The following PRKG1 variants were observed in gnomAD, a reference collection of about 807,000 sequenced individuals.
PRKG1 encodes cGMP-dependent protein kinase 1.
A neutral mutation model predicts 88.1 loss-of-function variants in PRKG1; 35 were observed. The observed-to-expected ratio is 0.40, with a 90% CI of 0.30 to 0.53. The LOEUF is 0.53. Ranked by LOEUF, PRKG1 falls within the 20% of genes least tolerant of loss-of-function variation. PRKG1 has a pLI of 0.59. For missense variants in PRKG1, 540 were observed against 839.8 expected, an observed-to-expected ratio of 0.64 and a Z score of 4.41; for synonymous variants, 303 against 292.5, an observed-to-expected ratio of 1.04 and a Z score of -0.37.
At chr10:51,564,271 A>C (rs1288842109) in intron 3 of PRKG1, among the ~76,000 whole-genome samples, 1 of 152,140 alleles carries the variant, frequency 6.6e-6, no homozygotes, top group African/African-American at 2.4e-5. Flanking sequence ...CTAATGGGAA[A>C]AAGCTAGACA....
At chr10:51,843,191 G>T (rs1187897190) in intron 4 of PRKG1, among the ~76,000 whole-genome samples, 2 of 148,550 alleles carry the variant, frequency 1.3e-5, no homozygotes, top group African/African-American at 5.0e-5. Context: ...CCACCTCCTG[G>T]GTTCAAGTGA....
intron 2 of PRKG1, among the ~76,000 whole-genome samples, chr10:51,382,867 A>G (rs2132632216): frequency 6.6e-6 from 1 of 152,166 alleles, no homozygotes; most frequent in South Asian, 2.1e-4. Flanking sequence ...GCCATGATTC[A>G]TTGTTCTTAT....
chr10:51,812,832 C>T (rs1319447133), intron 4 of PRKG1, among the ~76,000 whole-genome samples: 1 of 152,102 alleles, frequency 6.6e-6, no homozygotes, highest in Non-Finnish European at 1.5e-5. Flanking sequence ...CAATTTGCTT[C>T]AAATGACAAA....
chr10:52,277,123 T>C (rs1171355523), intron 12 of PRKG1, among the ~76,000 whole-genome samples: 2 of 152,146 alleles, frequency 1.3e-5, no homozygotes, highest in Non-Finnish European at 1.5e-5. Context: ...TGTCAAGAAC[T>C]GAGGACCCTA....
chr10:51,699,916 C>T (rs1407438162), intron 3 of PRKG1, among the ~76,000 whole-genome samples: 3 of 152,226 alleles, frequency 2.0e-5, no homozygotes, highest in Admixed American at 6.5e-5. Context: ...GGGACTCTTC[C>T]CTTGACGTCA....
intron 9 of PRKG1, chr10:52,185,209 A>G (rs1341497973): frequency 6.6e-6 from 1 of 152,268 alleles, no homozygotes; most frequent in African/African-American, 2.4e-5. Flanking sequence ...CAATGGTGGT[A>G]TAAGCATTGG....
chr10:51,664,527 T>G lies in PRKG1; in HGVS notation c.593-140058T>G, dbSNP rs542765853. ...CACTCTCATTTTGCATCTAGTCTAT[T>G]GTCAAACACTGGGCTTAAAGCATTT... is the stretch of plus-strand genomic sequence containing the variant. On this transcript the variant is annotated intron_variant, in intron 3 of 17. Transcript: ENST00000373980. Among the ~76,000 whole-genome samples, 8 of 152,264 alleles carry G rather than the reference T, an allele frequency of 5.3e-5. No homozygotes were observed. In the South Asian group the frequency reaches 6.2e-4, roughly 12 times the overall value.
rs760085268 is a variant in PRKG1 at position 51,287,485 on chromosome 10, G to A, written c.478+134155G>A. On this transcript the variant is annotated intron_variant, in intron 2 of 17. Transcript: ENST00000373980. The stretch of plus-strand genomic sequence containing the variant: ...TCATGTCCTGGGGACAGAGCTACGG[G>A]CAGTTCAGATGAAGGTCCTGTTCAC... Among the ~76,000 whole-genome samples, 6 of 152,308 alleles carry A rather than the reference G, an allele frequency of 3.9e-5. No homozygotes were observed. In the Middle Eastern group the frequency reaches 0.014, roughly 345 times the overall value.
At chr10:51,027,645 T>C (rs1237715031) in intron 1 of PRKG1, among the ~76,000 whole-genome samples, 3 of 152,198 alleles carry the variant, frequency 2.0e-5, no homozygotes, top group Non-Finnish European at 2.9e-5. Context: ...TTAAGGTAAA[T>C]AGAGCTTTAA....
At chr10:51,897,289 C>A (rs1188618557) in intron 4 of PRKG1, among the ~76,000 whole-genome samples, 1 of 152,136 alleles carries the variant, frequency 6.6e-6, no homozygotes, top group African/African-American at 2.4e-5. Context: ...AAGGAAGTCA[C>A]TGGCACAGAA....
intron 2 of PRKG1, among the ~76,000 whole-genome samples, chr10:51,427,230 G>A (rs1418394910): frequency 6.6e-6 from 1 of 152,084 alleles, no homozygotes; most frequent in Non-Finnish European, 1.5e-5. Flanking sequence ...AGGCAGAGAG[G>A]GAGGGAGAGA....
intron 3 of PRKG1, among the ~76,000 whole-genome samples, chr10:51,477,975 T>C (rs956197687): frequency 4.6e-5 from 7 of 152,054 alleles, no homozygotes; most frequent in African/African-American, 1.7e-4. Flanking sequence ...AAAGATTGAA[T>C]GACACAGGCT....
chr10:52,252,795 A>G lies in PRKG1; in HGVS notation c.1173+1129A>G, dbSNP rs540728003. 3 of 151,992 alleles carry G rather than the reference A, an allele frequency of 2.0e-5. 1 individual carries two copies. The South Asian group carries it at 6.2e-4, about 32-fold the overall frequency. 9.4% of individuals were successfully genotyped at this position (151,992 alleles called of 1,614,324 possible). Reference sequence around the variant, plus strand: ...CTGTAGTAATATCACCTGTGACTTGAAAGTCCATAGTGTGCCTTTGACAAT... The same window carrying G: ...CTGTAGTAATATCACCTGTGACTTGGAAGTCCATAGTGTGCCTTTGACAAT... On this transcript the variant is annotated intron_variant, in intron 10 of 17. Coordinates refer to ENST00000373980, the MANE Select transcript of PRKG1 (RefSeq NM_006258.4).
At chr10:51,663,650 G>A (rs1049532486) in intron 3 of PRKG1, among the ~76,000 whole-genome samples, 8 of 144,572 alleles carry the variant, frequency 5.5e-5, no homozygotes, top group East Asian at 2.1e-4. Flanking sequence ...GCAGAAGTTT[G>A]AGGTTGCAGT....
chr10:51,919,786 T>TG (rs1243468915), intron 5 of PRKG1, among the ~76,000 whole-genome samples: 1 of 152,140 alleles, frequency 6.6e-6, no homozygotes, highest in Non-Finnish European at 1.5e-5. Context: ...GATCCTATAT[T>TG]GCCTGGAACT....
At chr10:51,605,744 T>G (rs1262455426) in intron 3 of PRKG1, among the ~76,000 whole-genome samples, 1 of 152,208 alleles carries the variant, frequency 6.6e-6, no homozygotes, top group Non-Finnish European at 1.5e-5. Flanking sequence ...CATCGTTTCC[T>G]TCATTGACTT....
At chr10:51,669,861 A>T (rs1840513506) in intron 3 of PRKG1, among the ~76,000 whole-genome samples, 3 of 152,232 alleles carry the variant, frequency 2.0e-5, no homozygotes, top group Admixed American at 2.0e-4. Flanking sequence ...ATTTCTGGTC[A>T]GTATTGTACA....
At chr10:51,691,867 T>C (rs780834312) in intron 3 of PRKG1, among the ~76,000 whole-genome samples, 1 of 152,164 alleles carries the variant, frequency 6.6e-6, no homozygotes, top group Non-Finnish European at 1.5e-5. Context: ...CAATTTGAGG[T>C]TTCTTGTCCA....
chr10:51,534,208 A>C (rs905181744), intron 3 of PRKG1, among the ~76,000 whole-genome samples: 3 of 152,118 alleles, frequency 2.0e-5, no homozygotes, highest in African/African-American at 7.2e-5. Context: ...GTGCAGGTGT[A>C]TTTGTTCATT....
Sources: gnomAD v4.1 joint callset for allele counts (sites outside exome capture counted in the v4.1 genomes callset) on GRCh38, gnomAD v4.1.1 for gene constraint, MANE v1.5 for transcripts, NCBI Gene and HGNC (gene_info 2026-07-23, HGNC 2026-07-21) for gene names.